The following EPM2A variants were observed in gnomAD, a reference collection of about 807,000 sequenced individuals.
The protein encoded by EPM2A is laforin.
A neutral mutation model predicts 26.5 loss-of-function variants in EPM2A; 21 were observed. The observed-to-expected ratio is 0.79, with a 90% CI of 0.56 to 1.14. EPM2A has a LOEUF of 1.14. EPM2A is among the 50% of genes most tolerant of loss of function. The probability of loss-of-function intolerance (pLI) is 0.00; values close to 1 mark genes in which losing one functional copy is unlikely to be tolerated. For synonymous variants in EPM2A, 217 were observed against 177.6 expected, an observed-to-expected ratio of 1.22 and a Z score of -1.76; for missense variants, 458 against 440.8, an observed-to-expected ratio of 1.04 and a Z score of -0.35.
intron 1 of EPM2A, among the ~76,000 whole-genome samples, chr6:145,696,772 G>GGTGT (rs1247280513): frequency 9.9e-5 from 11 of 110,794 alleles, no homozygotes; most frequent in East Asian, 2.5e-4. Context: ...CACAGGTAGG[G>GGTGT]GTATGTGTGT....
chr6:145,398,381 G>C (rs183053148), intron 4 of EPM2A, among the ~76,000 whole-genome samples: 3 of 139,860 alleles, frequency 2.1e-5, no homozygotes, highest in Admixed American at 7.0e-5. Context: ...TAGAATGTTT[G>C]TCTCTTTTTT....
intron 2 of EPM2A, among the ~76,000 whole-genome samples, chr6:145,527,737 C>G (rs750684673): frequency 3.4e-4 from 51 of 152,014 alleles, no homozygotes; most frequent in Non-Finnish European, 3.8e-4. Flanking sequence ...TTTTATCCAA[C>G]TTGCCACTCA....
At chr6:145,692,369 T>C (rs1781331847) in intron 1 of EPM2A, among the ~76,000 whole-genome samples, 1 of 151,882 alleles carries the variant, frequency 6.6e-6, no homozygotes, top group African/African-American at 2.4e-5. Flanking sequence ...ACCAACATTA[T>C]CTAGTTGACA....
chr6:145,586,945 G>A (rs1343569867), intron 2 of EPM2A, among the ~76,000 whole-genome samples: 1 of 152,068 alleles, frequency 6.6e-6, no homozygotes, highest in African/African-American at 2.4e-5. Context: ...CAACCTGATG[G>A]CAATGTTACC....
chr6:145,400,398 C>T (rs2114666061), intron 4 of EPM2A, among the ~76,000 whole-genome samples: 1 of 152,288 alleles, frequency 6.6e-6, no homozygotes, highest in African/African-American at 2.4e-5. Flanking sequence ...CACTAAAGCC[C>T]ATTACCTCTT....
intron 4 of EPM2A, among the ~76,000 whole-genome samples, chr6:145,473,374 A>C (rs1779501204): frequency 1.3e-5 from 2 of 152,062 alleles, no homozygotes; most frequent in Non-Finnish European, 2.9e-5. Context: ...GACAAAAGAA[A>C]AAAAGAATAA....
chr6:145,629,774 C>A (rs1776108593), intron 3 of EPM2A: 1 of 152,254 alleles, frequency 6.6e-6, no homozygotes, highest in Admixed American at 6.5e-5. Flanking sequence ...TACTATGTGC[C>A]TTGGCAGGAA....
At chr6:145,674,502 G>C (rs548952169) in intron 2 of EPM2A, among the ~76,000 whole-genome samples, 1 of 152,024 alleles carries the variant, frequency 6.6e-6, no homozygotes, top group African/African-American at 2.4e-5. Context: ...CGAGCCAAAC[G>C]AACATGTCCT....
intron 2 of EPM2A, among the ~76,000 whole-genome samples, chr6:145,651,304 T>C (rs1347309639): frequency 6.6e-6 from 1 of 152,238 alleles, no homozygotes; most frequent in African/African-American, 2.4e-5. Context: ...CTTTTTAAAA[T>C]GATGGTGATT....
chr6:145,545,799 A>G (rs1213608525), intron 2 of EPM2A, among the ~76,000 whole-genome samples: 4 of 152,098 alleles, frequency 2.6e-5, no homozygotes, highest in African/African-American at 9.7e-5. Context: ...CTTCAGTTAT[A>G]ACAAACTCTT....
At chr6:145,410,068 C>T (rs1044242921) in intron 4 of EPM2A, among the ~76,000 whole-genome samples, 3 of 152,054 alleles carry the variant, frequency 2.0e-5, no homozygotes, top group South Asian at 2.1e-4. Context: ...GTATAGATGT[C>T]GGGAGCCTTC....
chr6:145,579,265 C>G (rs994095635), intron 2 of EPM2A, among the ~76,000 whole-genome samples: 1 of 152,176 alleles, frequency 6.6e-6, no homozygotes, highest in Non-Finnish European at 1.5e-5. Flanking sequence ...ATCTTTCTTA[C>G]TCAGTCCACT....
intron 2 of EPM2A, among the ~76,000 whole-genome samples, chr6:145,535,268 A>AT (rs1780415847): frequency 1.3e-5 from 2 of 152,218 alleles, no homozygotes; most frequent in South Asian, 4.1e-4. Flanking sequence ...AAGTTGCTTT[A>AT]TTAAATTCTG....
At chr6:145,434,726 G>T (rs141469138) in intron 4 of EPM2A, among the ~76,000 whole-genome samples, 4 of 152,042 alleles carry the variant, frequency 2.6e-5, no homozygotes, top group Non-Finnish European at 5.9e-5. Flanking sequence ...ATGCCAGGGC[G>T]TTTCTATTAC....
chr6:145,495,477 C>A (rs1407302837), intron 4 of EPM2A, among the ~76,000 whole-genome samples: 1 of 151,986 alleles, frequency 6.6e-6, no homozygotes, highest in African/African-American at 2.4e-5. Context: ...GGGTATTTAT[C>A]CAATTTATAT....
chr6:145,623,119 TAA>T (rs538365636), downstream of EPM2A, among the ~76,000 whole-genome samples: 7 of 152,338 alleles, frequency 4.6e-5, no homozygotes, highest in African/African-American at 1.7e-4. Context: ...TTCACTCATT[TAA>T]CTATGTCAGG....
intron 4 of EPM2A, among the ~76,000 whole-genome samples, chr6:145,417,949 A>G (rs1778731817): frequency 6.6e-6 from 1 of 152,024 alleles, no homozygotes; most frequent in Non-Finnish European, 1.5e-5. Context: ...CATCACCAAG[A>G]TGGAAACTAC....
At chr6:145,548,701 T>C (rs1780615826) in intron 2 of EPM2A, among the ~76,000 whole-genome samples, 1 of 152,078 alleles carries the variant, frequency 6.6e-6, no homozygotes, top group Admixed American at 6.6e-5. Flanking sequence ...TGAAGACACC[T>C]CATCTATCTT....
chr6:145,595,467 A>G (rs1582883773), intron 2 of EPM2A, among the ~76,000 whole-genome samples: 1 of 138,762 alleles, frequency 7.2e-6, no homozygotes, highest in East Asian at 2.0e-4. Context: ...ATTTAATCAA[A>G]TTCTCAGAAA....
Sources: gnomAD v4.1 joint callset for allele counts (sites outside exome capture counted in the v4.1 genomes callset) on GRCh38, gnomAD v4.1.1 for gene constraint, MANE v1.5 for transcripts, NCBI Gene and HGNC (gene_info 2026-07-23, HGNC 2026-07-21) for gene names.